TENM3: variants seen among roughly 807,000 people sequenced by gnomAD.
TENM3 encodes teneurin transmembrane protein 3.
Under a neutral mutation model 255.1 loss-of-function variants are expected in TENM3, and 63 were observed. That is an observed-to-expected ratio of 0.25 (90% CI 0.20 to 0.30). TENM3 has a LOEUF of 0.30. Ranked by LOEUF, TENM3 falls within the 10% of genes least tolerant of loss-of-function variation. The probability of loss-of-function intolerance (pLI) is 1.00; values close to 1 mark genes in which losing one functional copy is unlikely to be tolerated. For missense variants in TENM3, 2,929 were observed against 3,461.1 expected, an observed-to-expected ratio of 0.85 and a Z score of 3.86; for synonymous variants, 1,306 against 1,322.3, an observed-to-expected ratio of 0.99 and a Z score of 0.27.
intron 6 of TENM3, among the ~76,000 whole-genome samples, chr4:182,656,490 G>A (rs1013728626): frequency 3.3e-5 from 5 of 152,118 alleles, no homozygotes; most frequent in South Asian, 2.1e-4. Flanking sequence ...GCTGCAAACC[G>A]CTGCTTTTCG....
chr4:182,244,023 G>C (rs550329626), intron 1 of TENM3, among the ~76,000 whole-genome samples: 1 of 138,878 alleles, frequency 7.2e-6, no homozygotes, highest in Non-Finnish European at 1.5e-5. Context: ...GCGTGACCTC[G>C]GCTCACTGCA....
At chr4:182,781,445 T>C (rs1765159757) in intron 24 of TENM3, among the ~76,000 whole-genome samples, 1 of 150,712 alleles carries the variant, frequency 6.6e-6, no homozygotes, top group East Asian at 2.0e-4. Context: ...GATGTGCTGC[T>C]GGATTCGGTT....
chr4:182,006,013 C>T, the TENM3 span, among the ~76,000 whole-genome samples: 129 of 152,286 alleles, frequency 8.5e-4, no homozygotes, highest in Non-Finnish European at 1.4e-3. Context: ...AGCCTGCCAG[C>T]AGAGACAACT....
At chr4:181,497,362 A>G in the TENM3 span, among the ~76,000 whole-genome samples, 1 of 152,158 alleles carries the variant, frequency 6.6e-6, no homozygotes, top group African/African-American at 2.4e-5. Context: ...CCTATAGAAG[A>G]TGCATATTTT....
chr4:181,743,571 G>A, the TENM3 span, among the ~76,000 whole-genome samples: 8 of 152,086 alleles, frequency 5.3e-5, no homozygotes, highest in African/African-American at 1.9e-4. Context: ...TGATGCAAAT[G>A]CTCTCAGAAA....
chr4:181,590,356 C>T, the TENM3 span, among the ~76,000 whole-genome samples: 1 of 152,134 alleles, frequency 6.6e-6, no homozygotes, highest in East Asian at 1.9e-4. Context: ...CTCTAAGGCT[C>T]TCGGCTATTC....
the TENM3 span, among the ~76,000 whole-genome samples, chr4:182,081,603 A>AAAGAAGAAG: frequency 6.8e-6 from 1 of 147,820 alleles, no homozygotes; most frequent in East Asian, 1.9e-4. Context: ...AAAAAAAAAA[A>AAAGAAGAAG]AAGAAGAAGA....
the TENM3 span, among the ~76,000 whole-genome samples, chr4:182,123,278 C>T: frequency 6.6e-6 from 1 of 152,142 alleles, no homozygotes; most frequent in African/African-American, 2.4e-5. Flanking sequence ...TGGAGTCGCA[C>T]TTTATATTTC....
chr4:182,004,944 G>T, the TENM3 span, among the ~76,000 whole-genome samples: 1 of 152,074 alleles, frequency 6.6e-6, no homozygotes, highest in African/African-American at 2.4e-5. Flanking sequence ...ATATGTTTAC[G>T]TTCCTTGTAA....
At chr4:181,546,669 G>T in the TENM3 span, among the ~76,000 whole-genome samples, 7 of 138,120 alleles carry the variant, frequency 5.1e-5, no homozygotes, top group Admixed American at 1.6e-4. Context: ...AGCCGAGATC[G>T]CGCCACTGCA....
the TENM3 span, among the ~76,000 whole-genome samples, chr4:181,532,562 G>A: frequency 6.6e-6 from 1 of 152,154 alleles, no homozygotes; most frequent in African/African-American, 2.4e-5. Context: ...ACAGGTTCTG[G>A]TTGGAGTTAT....
chr4:181,447,859 C>G, the TENM3 span, among the ~76,000 whole-genome samples: 1 of 152,116 alleles, frequency 6.6e-6, no homozygotes, highest in Non-Finnish European at 1.5e-5. Flanking sequence ...TCCTGTCATT[C>G]TTTCAGACAC....
the TENM3 span, among the ~76,000 whole-genome samples, chr4:181,557,656 C>T: frequency 6.6e-6 from 1 of 151,680 alleles, no homozygotes; most frequent in African/African-American, 2.4e-5. Flanking sequence ...CCTCCCTAGT[C>T]ACTGGGACTA....
chr4:182,404,476 C>T (rs1004613812), intron 3 of TENM3, among the ~76,000 whole-genome samples: 1 of 152,164 alleles, frequency 6.6e-6, no homozygotes, highest in African/African-American at 2.4e-5. Flanking sequence ...GAGAATATCA[C>T]GATGTAACTC....
chr4:181,774,942 G>A, the TENM3 span, among the ~76,000 whole-genome samples: 11 of 134,570 alleles, frequency 8.2e-5, no homozygotes, highest in South Asian at 7.0e-4. Context: ...AGTAGGTTGC[G>A]AAAATTTTCT....
At chr4:182,715,757 T>TCACA (rs887573590) in intron 13 of TENM3, among the ~76,000 whole-genome samples, 2 of 150,828 alleles carry the variant, frequency 1.3e-5, no homozygotes, top group African/African-American at 2.4e-5. Flanking sequence ...ACACACACAC[T>TCACA]CACACACACA....
At chr4:182,301,313 A>G (rs957366710) in intron 1 of TENM3, among the ~76,000 whole-genome samples, 2 of 152,178 alleles carry the variant, frequency 1.3e-5, no homozygotes, top group African/African-American at 2.4e-5. Flanking sequence ...AATTTTTCTC[A>G]GCTTGCCTGT....
chr4:182,541,803 A>G (rs1740906780), intron 3 of TENM3, among the ~76,000 whole-genome samples: 1 of 152,170 alleles, frequency 6.6e-6, no homozygotes, highest in Non-Finnish European at 1.5e-5. Flanking sequence ...TCATGGCTGT[A>G]ATCCCAGCAT....
At chr4:181,554,034 C>A in the TENM3 span, among the ~76,000 whole-genome samples, 2 of 152,234 alleles carry the variant, frequency 1.3e-5, no homozygotes, top group Middle Eastern at 3.4e-3. Context: ...TTCCCTCATG[C>A]GGCTCTAACT....
Sources: allele counts gnomAD v4.1 joint callset (sites outside exome capture counted in the v4.1 genomes callset), GRCh38; gene constraint gnomAD v4.1.1; transcripts MANE v1.5; gene names NCBI Gene and HGNC (gene_info 2026-07-23, HGNC 2026-07-21).